Variants in FCHSD2 observed in about 807,000 individuals in gnomAD.
FCHSD2 encodes FCH and double SH3 domains 2.
A neutral mutation model predicts 108.1 loss-of-function variants in FCHSD2; 38 were observed. That is an observed-to-expected ratio of 0.35 (90% CI 0.27 to 0.46). The LOEUF is 0.46. Among genes scored for constraint, FCHSD2 ranks in the 20% least tolerant of loss-of-function variants. The pLI is 1.00. For missense variants in FCHSD2, 751 were observed against 897.8 expected (o/e 0.84, Z 2.09); for synonymous variants, 279 against 314.7 (o/e 0.89, Z 1.20).
intron 2 of FCHSD2, among the ~76,000 whole-genome samples, chr11:73,113,683 T>C (rs937230451): frequency 2.0e-5 from 3 of 152,186 alleles, no homozygotes; most frequent in African/African-American, 7.2e-5. Flanking sequence ...CCGTCCTTCT[T>C]GGGAAAGTTT....
At chr11:72,899,475 C>T (rs1020086202) in intron 10 of FCHSD2, among the ~76,000 whole-genome samples, 4 of 151,928 alleles carry the variant, frequency 2.6e-5, no homozygotes, top group Admixed American at 2.0e-4. Flanking sequence ...ATAATCAGAG[C>T]CAGACAATAA....
At chr11:73,044,499 C>T (rs1424652278) in intron 3 of FCHSD2, among the ~76,000 whole-genome samples, 1 of 152,096 alleles carries the variant, frequency 6.6e-6, no homozygotes, top group Non-Finnish European at 1.5e-5. Flanking sequence ...ATCACTTGTG[C>T]CCAGGAGTTT....
At chr11:72,943,904 A>G (rs1856468873) in intron 8 of FCHSD2, among the ~76,000 whole-genome samples, 1 of 152,236 alleles carries the variant, frequency 6.6e-6, no homozygotes, top group Non-Finnish European at 1.5e-5. Context: ...TAAACTGACT[A>G]TTAAATACTC....
intron 13 of FCHSD2, among the ~76,000 whole-genome samples, chr11:72,856,538 G>A (rs992656006): frequency 1.3e-5 from 2 of 152,176 alleles, no homozygotes; most frequent in African/African-American, 4.8e-5. Context: ...ACACAGAATT[G>A]TGGAGAGTTC....
chr11:72,997,202 C>T (rs1164296175), intron 5 of FCHSD2, among the ~76,000 whole-genome samples: 2 of 152,110 alleles, frequency 1.3e-5, no homozygotes, highest in African/African-American at 4.8e-5. Flanking sequence ...AGCATCAGAG[C>T]AGCTACACGA....
At chr11:72,853,046 C>T (rs1861332179) in intron 13 of FCHSD2, among the ~76,000 whole-genome samples, 1 of 152,254 alleles carries the variant, frequency 6.6e-6, no homozygotes, top group South Asian at 2.1e-4. Context: ...GGGTACTAGG[C>T]TTAGTACCTG....
At chr11:72,857,094 T>C (rs115044150) in intron 13 of FCHSD2, among the ~76,000 whole-genome samples, 6 of 152,372 alleles carry the variant, frequency 3.9e-5, no homozygotes, top group African/African-American at 1.4e-4. Flanking sequence ...CATTCCTTTT[T>C]TCCTCCTTTA....
At chr11:72,929,092 T>C (rs1856138160) in intron 8 of FCHSD2, among the ~76,000 whole-genome samples, 1 of 152,230 alleles carries the variant, frequency 6.6e-6, no homozygotes, top group South Asian at 2.1e-4. Context: ...ATGGTGTATA[T>C]GTGCCACATT....
intron 3 of FCHSD2, among the ~76,000 whole-genome samples, chr11:73,068,173 G>C (rs748628419): frequency 1.3e-5 from 2 of 151,944 alleles, no homozygotes; most frequent in Non-Finnish European, 2.9e-5. Context: ...GATTTGGGTG[G>C]GGGCACAGGC....
chr11:73,102,561 A>G (rs916805414), intron 2 of FCHSD2, among the ~76,000 whole-genome samples: 4 of 152,256 alleles, frequency 2.6e-5, no homozygotes, highest in Non-Finnish European at 5.9e-5. Context: ...TGTCTCCTCT[A>G]AAACTCATGT....
At chr11:73,032,948 G>T (rs1447621584) in intron 3 of FCHSD2, among the ~76,000 whole-genome samples, 1 of 152,122 alleles carries the variant, frequency 6.6e-6, no homozygotes, top group Admixed American at 6.6e-5. Context: ...AGACTAAAAT[G>T]TGATTTAAAA....
chr11:73,054,144 A>G (rs1591517045), intron 3 of FCHSD2, among the ~76,000 whole-genome samples: 1 of 152,224 alleles, frequency 6.6e-6, no homozygotes, highest in Admixed American at 6.5e-5. Flanking sequence ...CTTACACTCT[A>G]CAACAGCAAT....
intron 2 of FCHSD2, among the ~76,000 whole-genome samples, chr11:73,129,872 C>CTTT (rs35445043): frequency 1.1e-4 from 14 of 124,148 alleles, no homozygotes; most frequent in East Asian, 2.2e-4. Flanking sequence ...CCTTCATAAT[C>CTTT]TTTTTTTTTT....
At chr11:72,974,953 C>A (rs570665815) in intron 8 of FCHSD2, among the ~76,000 whole-genome samples, 2 of 151,930 alleles carry the variant, frequency 1.3e-5, no homozygotes, top group African/African-American at 2.4e-5. Context: ...GAGCTAGAGA[C>A]GACAGAGAAA....
At chr11:73,011,515 C>G (rs373976094) in intron 4 of FCHSD2, among the ~76,000 whole-genome samples, 11 of 152,218 alleles carry the variant, frequency 7.2e-5, no homozygotes, top group Admixed American at 4.6e-4. Flanking sequence ...TGGTTTAGCC[C>G]TAGTGATGCT....
chr11:73,081,807 G>T (rs1339404896), intron 3 of FCHSD2, among the ~76,000 whole-genome samples: 1 of 152,086 alleles, frequency 6.6e-6, no homozygotes, highest in Non-Finnish European at 1.5e-5. Flanking sequence ...GGTTTGAAAG[G>T]ATCAAACCAG....
intron 3 of FCHSD2, among the ~76,000 whole-genome samples, chr11:73,078,219 C>T (rs1484787318): frequency 6.6e-6 from 1 of 152,104 alleles, no homozygotes; most frequent in African/African-American, 2.4e-5. Context: ...TATGAAGCAC[C>T]TGGAACTCTC....
intron 13 of FCHSD2, among the ~76,000 whole-genome samples, chr11:72,855,905 T>C (rs78856007): frequency 0.012 from 1,774 of 152,290 alleles, 27 homozygotes; most frequent in African/African-American, 0.041. Flanking sequence ...TTTGAACTAT[T>C]AGAATATGCA....
intron 5 of FCHSD2, among the ~76,000 whole-genome samples, chr11:72,997,769 C>A (rs578020336): frequency 6.6e-6 from 1 of 152,298 alleles, no homozygotes; most frequent in Non-Finnish European, 1.5e-5. Context: ...GGCACGATCT[C>A]GACTTCCTGC....
Sources: allele counts gnomAD v4.1 joint callset (sites outside exome capture counted in the v4.1 genomes callset), GRCh38; gene constraint gnomAD v4.1.1; transcripts MANE v1.5; gene names NCBI Gene and HGNC (gene_info 2026-07-23, HGNC 2026-07-21).